SUGCT: variants seen among roughly 807,000 people sequenced by gnomAD.
SUGCT encodes the protein succinyl-CoA:glutarate CoA-transferase.
SUGCT carries 41 observed loss-of-function variants against 55.0 expected under a neutral mutation model. That is an observed-to-expected ratio of 0.74 (90% CI 0.58 to 0.97). The LOEUF is 0.97. Among genes scored for constraint, SUGCT ranks in the 50% least tolerant of loss-of-function variants. The pLI is 0.00. For synonymous variants in SUGCT, 187 were observed against 200.4 expected (o/e 0.93, Z 0.56); for missense variants, 568 against 547.8 (o/e 1.04, Z -0.37).
the SUGCT span, among the ~76,000 whole-genome samples, chr7:40,975,456 C>T: frequency 6.6e-6 from 1 of 152,226 alleles, no homozygotes; most frequent in Non-Finnish European, 1.5e-5. Context: ...TTGCAAATAT[C>T]AGAATACCCA....
At chr7:40,473,306 G>A (rs1195872065) in intron 11 of SUGCT, among the ~76,000 whole-genome samples, 5 of 152,152 alleles carry the variant, frequency 3.3e-5, no homozygotes, top group Non-Finnish European at 7.4e-5. Context: ...TTTGAGAAAT[G>A]TCAATCATTT....
At chr7:40,604,515 T>C (rs1486008700) in intron 12 of SUGCT, among the ~76,000 whole-genome samples, 1 of 152,152 alleles carries the variant, frequency 6.6e-6, no homozygotes, top group Non-Finnish European at 1.5e-5. Flanking sequence ...CTTTATGCCA[T>C]TGAGCCTTTT....
At chr7:40,719,815 T>C (rs1038223546) in intron 12 of SUGCT, among the ~76,000 whole-genome samples, 5 of 152,168 alleles carry the variant, frequency 3.3e-5, no homozygotes, top group African/African-American at 1.2e-4. Flanking sequence ...TGTTTTGTTT[T>C]TGAGACAGAG....
chr7:40,563,493 C>A (rs1480131209), intron 12 of SUGCT, among the ~76,000 whole-genome samples: 2 of 151,522 alleles, frequency 1.3e-5, no homozygotes, highest in African/African-American at 2.4e-5. Context: ...ATTGCTTGAG[C>A]CCAGGAGTTT....
chr7:40,968,015 T>G, the SUGCT span: 1 of 152,198 alleles, frequency 6.6e-6, no homozygotes, highest in Non-Finnish European at 1.5e-5. Context: ...ACAGATGCTA[T>G]TTAATACATT....
intron 1 of SUGCT, among the ~76,000 whole-genome samples, chr7:40,145,049 T>C (rs1270846723): frequency 6.6e-6 from 1 of 152,216 alleles, no homozygotes; most frequent in Admixed American, 6.5e-5. Flanking sequence ...TGTGCTTTTA[T>C]TTTAATGTCC....
chr7:40,749,386 A>G (rs752996753), intron 12 of SUGCT, 48 bp from the exon 13 acceptor site: 10 of 1,492,328 alleles, frequency 6.7e-6, no homozygotes, highest in Non-Finnish European at 1.9e-6. Context: ...GCAATTGAAG[A>G]TGGTTTTATT....
intron 6 of SUGCT, among the ~76,000 whole-genome samples, chr7:40,235,837 G>A (rs1234424289): frequency 6.6e-6 from 1 of 152,080 alleles, no homozygotes; most frequent in Non-Finnish European, 1.5e-5. Context: ...CATATATAAT[G>A]AGGGTGCTCT....
intron 11 of SUGCT, among the ~76,000 whole-genome samples, chr7:40,473,258 A>G (rs1456550168): frequency 6.6e-6 from 1 of 152,182 alleles, no homozygotes; most frequent in African/African-American, 2.4e-5. Flanking sequence ...AATCATATGA[A>G]GCATCTTAAA....
chr7:40,462,618 G>A (rs989842350), intron 11 of SUGCT, among the ~76,000 whole-genome samples: 3 of 152,086 alleles, frequency 2.0e-5, no homozygotes, highest in Non-Finnish European at 4.4e-5. Flanking sequence ...AGAGGGCCAG[G>A]TTGAAGTGGT....
At chr7:40,220,365 A>G (rs1787954060) in intron 6 of SUGCT, among the ~76,000 whole-genome samples, 2 of 152,222 alleles carry the variant, frequency 1.3e-5, no homozygotes, top group Admixed American at 6.5e-5. Context: ...CAAAGTTATT[A>G]TGAATTAAAA....
intron 12 of SUGCT, among the ~76,000 whole-genome samples, chr7:40,529,118 A>T (rs553649932): frequency 1.3e-5 from 2 of 152,308 alleles, no homozygotes; most frequent in Admixed American, 1.3e-4. Flanking sequence ...GGGGAAGAAG[A>T]TCAAGAAATT....
At chr7:41,006,963 T>C in the SUGCT span, among the ~76,000 whole-genome samples, 28 of 152,334 alleles carry the variant, frequency 1.8e-4, no homozygotes, top group Middle Eastern at 3.4e-3. Flanking sequence ...ACTGAAGTGA[T>C]GGGCTCTATC....
At chr7:40,924,464 A>C in the SUGCT span, among the ~76,000 whole-genome samples, 1 of 152,098 alleles carries the variant, frequency 6.6e-6, no homozygotes, top group Non-Finnish European at 1.5e-5. Context: ...TGCCCCACCC[A>C]GCTGGTCTCA....
At chr7:40,854,402 T>TCCTTCTTTCTTTC (rs1250178693) in intron 13 of SUGCT, among the ~76,000 whole-genome samples, 1 of 107,756 alleles carries the variant, frequency 9.3e-6, no homozygotes, top group African/African-American at 3.4e-5. Flanking sequence ...TTTTTTTCTT[T>TCCTTCTTTCTTTC]CTTTCTTTCT....
intron 6 of SUGCT, among the ~76,000 whole-genome samples, chr7:40,203,510 C>G (rs574076271): frequency 3.3e-5 from 5 of 152,194 alleles, no homozygotes; most frequent in Admixed American, 1.3e-4. Context: ...CACAGTGGCT[C>G]ATGCCTGTAA....
chr7:40,344,817 T>C (rs2151184952), intron 9 of SUGCT, among the ~76,000 whole-genome samples: 1 of 152,346 alleles, frequency 6.6e-6, no homozygotes, highest in East Asian at 1.9e-4. Context: ...ATGTAACACA[T>C]ACTAGCATTT....
intron 6 of SUGCT, 138 bp from the exon 7 acceptor site, chr7:40,237,497 C>T (rs1789092248): frequency 1.5e-6 from 1 of 670,720 alleles, no homozygotes; most frequent in African/African-American, 1.8e-5. Context: ...TTACTGCCTT[C>T]TTCAAGGAAT....
chr7:40,910,133 G>A, the SUGCT span, among the ~76,000 whole-genome samples: 3 of 151,380 alleles, frequency 2.0e-5, no homozygotes, highest in Admixed American at 6.6e-5. Context: ...AACATGGAAA[G>A]TGCTTTCCTA....
Sources: gnomAD v4.1 joint callset for allele counts (sites outside exome capture counted in the v4.1 genomes callset) on GRCh38, gnomAD v4.1.1 for gene constraint, MANE v1.5 for transcripts, NCBI Gene and HGNC (gene_info 2026-07-23, HGNC 2026-07-21) for gene names.